The following NUBPL variants were observed in gnomAD, a reference collection of about 807,000 sequenced individuals.
NUBPL encodes NUBP iron-sulfur cluster assembly factor, mitochondrial.
In NUBPL, 31 loss-of-function variants were observed where a neutral mutation model predicts 45.7. The observed-to-expected ratio is 0.68, with a 90% CI of 0.51 to 0.92. The LOEUF is 0.92. Ranked by LOEUF, NUBPL falls within the 40% of genes least tolerant of loss-of-function variation. The pLI is 0.00. For synonymous variants in NUBPL, 144 were observed against 140.9 expected (o/e 1.02, Z -0.15); for missense variants, 401 against 398.7 (o/e 1.01, Z -0.05).
chr14:31,724,406 A>G (rs2037875512), intron 6 of NUBPL, among the ~76,000 whole-genome samples: 1 of 151,868 alleles, frequency 6.6e-6, no homozygotes, highest in African/African-American at 2.4e-5. Flanking sequence ...CATTTTATTG[A>G]TTATAATTAT....
intron 7 of NUBPL, among the ~76,000 whole-genome samples, chr14:31,812,011 G>T (rs930964650): frequency 6.6e-6 from 1 of 152,180 alleles, no homozygotes; most frequent in Non-Finnish European, 1.5e-5. Flanking sequence ...TCCTCTGGAA[G>T]CTTCGTCTCA....
intron 6 of NUBPL, among the ~76,000 whole-genome samples, chr14:31,772,572 A>G (rs1020502496): frequency 3.3e-5 from 5 of 152,214 alleles, no homozygotes; most frequent in East Asian, 1.9e-4. Flanking sequence ...TCTGTGGGCT[A>G]GCTGGGGAAC....
At chr14:31,720,072 G>T (rs1312127747) in intron 6 of NUBPL, among the ~76,000 whole-genome samples, 1 of 152,142 alleles carries the variant, frequency 6.6e-6, no homozygotes. Flanking sequence ...TTTAGCCAAT[G>T]TGGAAAGTGC....
At chr14:31,754,695 A>T (rs2038615340) in intron 6 of NUBPL, among the ~76,000 whole-genome samples, 1 of 149,176 alleles carries the variant, frequency 6.7e-6, no homozygotes, top group Non-Finnish European at 1.5e-5. Context: ...GCAAAAAAAA[A>T]ATTTTTTTTA....
At chr14:31,752,043 C>T (rs942007986) in intron 6 of NUBPL, among the ~76,000 whole-genome samples, 12 of 152,202 alleles carry the variant, frequency 7.9e-5, no homozygotes, top group Admixed American at 5.9e-4. Context: ...CCCAAGGCCC[C>T]ACCCACAAAA....
chr14:31,630,960 C>T (rs1254166509), intron 4 of NUBPL, among the ~76,000 whole-genome samples: 1 of 152,108 alleles, frequency 6.6e-6, no homozygotes, highest in Admixed American at 6.5e-5. Context: ...TCTCCTTTCT[C>T]CCCAGTATTC....
intron 7 of NUBPL, among the ~76,000 whole-genome samples, chr14:31,793,843 T>TA (rs1194898941): frequency 1.5e-4 from 13 of 88,012 alleles, no homozygotes; most frequent in African/African-American, 1.0e-3. Context: ...TTTTTTTTAT[T>TA]TTTTTTTTTA....
rs151108661 is a variant in NUBPL at position 31,732,995 on chromosome 14, A to G, written c.514-54785A>G. ...GTGAGGAAATTCTATGTTTTCATCT[A>G]GAAGGTTTTTGATTCTGGTCTAAGC... On this transcript the variant is annotated intron_variant, in intron 6 of 10. Transcript: ENST00000281081. Among the ~76,000 whole-genome samples, 312 of 152,248 alleles carry G rather than the reference A, an allele frequency of 2.0e-3. 1 individual carries two copies. The highest frequency in any genetic ancestry group is 6.9e-3 in the African/African-American group (288 of 41,554).
At chr14:31,812,978 TA>T (rs1311248851) in intron 7 of NUBPL, among the ~76,000 whole-genome samples, 2 of 134,838 alleles carry the variant, frequency 1.5e-5, no homozygotes, top group Non-Finnish European at 3.1e-5. Context: ...TAGCTCTTGT[TA>T]GTTCTTTTTT....
At chr14:31,638,273 G>C (rs1395029625) in intron 4 of NUBPL, among the ~76,000 whole-genome samples, 9 of 151,490 alleles carry the variant, frequency 5.9e-5, no homozygotes, top group African/African-American at 1.7e-4. Context: ...AGCTCTTTTA[G>C]GGCAGGCCTG....
chr14:31,572,348 C>A (rs1239142923), intron 3 of NUBPL, among the ~76,000 whole-genome samples: 1 of 151,930 alleles, frequency 6.6e-6, no homozygotes, highest in Non-Finnish European at 1.5e-5. Flanking sequence ...ACTGTGTTAG[C>A]CAGGATGGTC....
At chr14:31,841,271 G>T (rs1454544920) in intron 8 of NUBPL, among the ~76,000 whole-genome samples, 1 of 152,168 alleles carries the variant, frequency 6.6e-6, no homozygotes, top group Admixed American at 6.5e-5. Context: ...CCAAACAGTT[G>T]TTTAAAATGA....
At chr14:31,745,745 G>A (rs1595572497) in intron 6 of NUBPL, among the ~76,000 whole-genome samples, 1 of 151,994 alleles carries the variant, frequency 6.6e-6, no homozygotes, top group East Asian at 1.9e-4. Flanking sequence ...TGAGGTCAGG[G>A]CATGGAAAAA....
At chr14:31,745,159 G>T (rs536202543) in intron 6 of NUBPL, among the ~76,000 whole-genome samples, 1 of 151,686 alleles carries the variant, frequency 6.6e-6, no homozygotes, top group African/African-American at 2.4e-5. Context: ...CCATTAACTC[G>T]TCATTTGCAT....
intron 8 of NUBPL, among the ~76,000 whole-genome samples, chr14:31,833,253 AAG>A (rs988393675): frequency 6.6e-6 from 1 of 152,064 alleles, no homozygotes; most frequent in Non-Finnish European, 1.5e-5. Context: ...ACTGTAGTCC[AAG>A]CTACTCAGGA....
intron 3 of NUBPL, among the ~76,000 whole-genome samples, chr14:31,571,986 C>G (rs1410523899): frequency 6.6e-6 from 1 of 152,058 alleles, no homozygotes; most frequent in Non-Finnish European, 1.5e-5. Flanking sequence ...ATTGTGATCC[C>G]CACTGTAGTT....
chr14:31,688,652 G>GTTTTTTTT (rs552419842), intron 6 of NUBPL, among the ~76,000 whole-genome samples: 8 of 99,138 alleles, frequency 8.1e-5, no homozygotes, highest in African/African-American at 2.0e-4. Flanking sequence ...ACAGGTTTTT[G>GTTTTTTTT]TTGTTGTTTT....
chr14:31,687,335 G>A (rs1453870761), intron 6 of NUBPL, among the ~76,000 whole-genome samples: 2 of 152,138 alleles, frequency 1.3e-5, no homozygotes, highest in Non-Finnish European at 2.9e-5. Flanking sequence ...TGTCATGAAT[G>A]CCTAAAATAT....
At chr14:31,771,886 G>A (rs2138765355) in intron 6 of NUBPL, 1 of 985,286 alleles carries the variant, frequency 1.0e-6, no homozygotes, top group Non-Finnish European at 1.2e-6. Context: ...AGGTGGAACT[G>A]AGGAATAAAC....
Sources: gnomAD v4.1 joint callset for allele counts (sites outside exome capture counted in the v4.1 genomes callset) on GRCh38, gnomAD v4.1.1 for gene constraint, MANE v1.5 for transcripts, NCBI Gene and HGNC (gene_info 2026-07-23, HGNC 2026-07-21) for gene names.